PLXNA4: variants seen among roughly 807,000 people sequenced by gnomAD.
PLXNA4 encodes the protein plexin-A4.
PLXNA4 carries 44 observed loss-of-function variants against 191.8 expected under a neutral mutation model. The ratio of observed to expected loss-of-function variants is 0.23; its 90% CI spans 0.18 to 0.29. PLXNA4 has a LOEUF of 0.29. Ranked by LOEUF, PLXNA4 falls within the 10% of genes least tolerant of loss-of-function variation. The pLI is 1.00. For missense variants in PLXNA4, 1,800 were observed against 2,488.8 expected (o/e 0.72, Z 5.89); for synonymous variants, 1,082 against 1,009.5 (o/e 1.07, Z -1.36).
rs7787365 is a variant in PLXNA4 at position 132,205,027 on chromosome 7, G to A, written c.2299-1608C>T. On this transcript the variant is annotated intron_variant, in intron 10 of 31. Transcript: ENST00000321063. The stretch of plus-strand genomic sequence containing the variant: ...ACGGAGGAGTTTGCAACGTACCCCC[G>A]TCGTTGAATCTCTCGTTTGACCAAT... Among the ~76,000 whole-genome samples the A allele has an allele frequency of 1.2e-4, 19 of 152,144 alleles. No homozygotes were observed. The East Asian group carries it at 2.5e-3, about 20-fold the overall frequency.
chr7:132,132,458 T>TCTGCTCTGCTCTGC (rs1794976883), intron 31 of PLXNA4, among the ~76,000 whole-genome samples: 3 of 55,534 alleles, frequency 5.4e-5, no homozygotes, highest in Admixed American at 2.1e-4. Context: ...TTCTGTTCTG[T>TCTGCTCTGCTCTGC]TCTGTTCTGC....
At chr7:132,310,999 G>A (rs963091009) in intron 3 of PLXNA4, among the ~76,000 whole-genome samples, 1 of 152,216 alleles carries the variant, frequency 6.6e-6, no homozygotes, top group African/African-American at 2.4e-5. Context: ...GCTGGTCAGA[G>A]TGGTGCTGCC....
At chr7:132,482,480 G>A (rs138898902) in intron 3 of PLXNA4, among the ~76,000 whole-genome samples, 1,665 of 152,220 alleles carry the variant, frequency 0.011, 39 homozygotes, top group African/African-American at 0.038. Context: ...TTTAGCAGTG[G>A]GATGACTGCA....
At chr7:132,587,886 G>A (rs988374101) in intron 2 of PLXNA4, among the ~76,000 whole-genome samples, 1 of 151,430 alleles carries the variant, frequency 6.6e-6, no homozygotes, top group Non-Finnish European at 1.5e-5. Context: ...ATATAATCCA[G>A]GGCTCTGAAT....
At chr7:132,424,897 C>T (rs1794987192) in intron 3 of PLXNA4, among the ~76,000 whole-genome samples, 1 of 152,224 alleles carries the variant, frequency 6.6e-6, no homozygotes, top group South Asian at 2.1e-4. Context: ...GTGTGCCCTC[C>T]ACGCATCGTC....
upstream of PLXNA4, among the ~76,000 whole-genome samples, chr7:132,579,331 A>G (rs1247660163): frequency 6.6e-6 from 1 of 152,114 alleles, no homozygotes; most frequent in East Asian, 1.9e-4. Flanking sequence ...GAAGGGGGGA[A>G]GGTGAGAAAA....
At chr7:132,426,903 T>A (rs1345612348) in intron 3 of PLXNA4, among the ~76,000 whole-genome samples, 2 of 152,192 alleles carry the variant, frequency 1.3e-5, no homozygotes, top group Admixed American at 6.5e-5. Flanking sequence ...TTTAAAAAGC[T>A]GAGAAATGCT....
intron 3 of PLXNA4, among the ~76,000 whole-genome samples, chr7:132,383,290 C>A (rs1804974591): frequency 6.6e-6 from 1 of 152,150 alleles, no homozygotes; most frequent in Non-Finnish European, 1.5e-5. Flanking sequence ...CAGGATTGGA[C>A]ATGGATATTT....
rs777409081 is a variant in PLXNA4 at position 132,198,413 on chromosome 7, G to C, written c.2738+72C>G. On this transcript the variant is annotated intron_variant, in intron 13 of 31. Coordinates refer to ENST00000321063, the MANE Select transcript of PLXNA4 (RefSeq NM_020911.2). ...CAAGCTCTGAGAGCACCTAGTTGCT[G>C]ACCAGGACATCCCTAATACTAACCC... 1.8e-5 allele frequency: 28 copies of C among 1,538,038 alleles called. No individual in the cohort carries two copies. In the Admixed American group the frequency reaches 2.4e-4, roughly 13 times the overall value.
chr7:132,278,359 C>T (rs555535059), intron 4 of PLXNA4, among the ~76,000 whole-genome samples: 1 of 152,198 alleles, frequency 6.6e-6, no homozygotes, highest in Non-Finnish European at 1.5e-5. Flanking sequence ...GGGAGGCAGA[C>T]TCTTCTGGAT....
At chr7:132,299,560 C>A (rs958237307) in intron 3 of PLXNA4, among the ~76,000 whole-genome samples, 1 of 152,132 alleles carries the variant, frequency 6.6e-6, no homozygotes, top group African/African-American at 2.4e-5. Context: ...TCCTTTTAAG[C>A]ATTATTTTCA....
At chr7:132,464,971 G>A (rs1187465987) in intron 3 of PLXNA4, among the ~76,000 whole-genome samples, 2 of 152,250 alleles carry the variant, frequency 1.3e-5, no homozygotes, top group African/African-American at 2.4e-5. Flanking sequence ...GAAATTTCCT[G>A]GAGGCTGGCT....
chr7:132,504,075 A>T (rs749360969), intron 2 of PLXNA4, among the ~76,000 whole-genome samples: 31 of 152,240 alleles, frequency 2.0e-4, no homozygotes, highest in Non-Finnish European at 3.7e-4. Flanking sequence ...ACAGCAACAC[A>T]TTCCCATGAG....
intron 1 of PLXNA4, among the ~76,000 whole-genome samples, chr7:132,539,685 G>A (rs1175303329): frequency 1.3e-5 from 2 of 152,002 alleles, no homozygotes; most frequent in Admixed American, 6.5e-5. Context: ...TATTTCACAG[G>A]GTTGTTGGTT....
intron 3 of PLXNA4, among the ~76,000 whole-genome samples, chr7:132,432,660 T>C (rs1585127058): frequency 1.3e-5 from 2 of 152,182 alleles, no homozygotes; most frequent in Non-Finnish European, 2.9e-5. Flanking sequence ...AGAAGGAGGC[T>C]GTGGGAACAT....
intron 3 of PLXNA4, among the ~76,000 whole-genome samples, chr7:132,410,468 C>T (rs73726045): frequency 1.3e-5 from 2 of 152,222 alleles, no homozygotes; most frequent in African/African-American, 2.4e-5. Flanking sequence ...AGCCTTCCCC[C>T]CTCCACAGGG....
chr7:132,332,245 T>G (rs1024585555), intron 3 of PLXNA4, among the ~76,000 whole-genome samples: 1 of 152,182 alleles, frequency 6.6e-6, no homozygotes, highest in African/African-American at 2.4e-5. Context: ...ATCATTTCAG[T>G]TGAAACTTTG....
chr7:132,478,179 A>G (rs1797203645), intron 3 of PLXNA4, among the ~76,000 whole-genome samples: 1 of 152,320 alleles, frequency 6.6e-6, no homozygotes, highest in African/African-American at 2.4e-5. Flanking sequence ...AACACTGCCT[A>G]ACTAAACCTC....
chr7:132,136,986 T>A (rs913336541), intron 30 of PLXNA4, among the ~76,000 whole-genome samples: 1 of 152,180 alleles, frequency 6.6e-6, no homozygotes, highest in African/African-American at 2.4e-5. Context: ...AGCATCTGTG[T>A]GGCCTCCCTG....
Sources: gnomAD v4.1 joint callset for allele counts (sites outside exome capture counted in the v4.1 genomes callset) on GRCh38, gnomAD v4.1.1 for gene constraint, MANE v1.5 for transcripts, NCBI Gene and HGNC (gene_info 2026-07-23, HGNC 2026-07-21) for gene names.